Variants in CSRP2 observed in about 807,000 individuals in gnomAD.
CSRP2 encodes the protein cysteine and glycine-rich protein 2.
CSRP2 carries 18 observed loss-of-function variants against 24.6 expected under a neutral mutation model. The observed-to-expected ratio is 0.73, with a 90% CI of 0.51 to 1.09. The LOEUF (loss-of-function observed/expected upper bound fraction) is 1.09. CSRP2 is among the 50% of genes least tolerant of loss of function. The probability of loss-of-function intolerance (pLI) is 0.00; values close to 1 mark genes in which losing one functional copy is unlikely to be tolerated. For missense variants in CSRP2, 215 were observed against 239.4 expected (o/e 0.90, Z 0.67); for synonymous variants, 87 against 84.3 (o/e 1.03, Z -0.18).
chr12:76,872,680 A>T (rs1953812684), intron 1 of CSRP2, among the ~76,000 whole-genome samples: 1 of 152,154 alleles, frequency 6.6e-6, no homozygotes, highest in Non-Finnish European at 1.5e-5. Flanking sequence ...GCCCTATGTA[A>T]ATCAGACATC....
At chr12:76,866,099 G>T in intron 2 of CSRP2, 50 bp downstream of exon 2, 1 of 1,393,710 alleles carries the variant, frequency 7.2e-7, no homozygotes, top group Non-Finnish European at 1.0e-6. Flanking sequence ...ACATATTGAA[G>T]CTCTGTACAT....
chr12:76,877,638 C>T (rs1953864632), intron 1 of CSRP2, among the ~76,000 whole-genome samples: 1 of 152,154 alleles, frequency 6.6e-6, no homozygotes, highest in African/African-American at 2.4e-5. Context: ...GGAGAAAGGA[C>T]CCAGAGAAAT....
chr12:76,874,126 C>G (rs1214670391), intron 1 of CSRP2, among the ~76,000 whole-genome samples: 1 of 152,164 alleles, frequency 6.6e-6, no homozygotes, highest in East Asian at 1.9e-4. Context: ...AAGGTCTGCA[C>G]CATTTACTTT....
chr12:76,863,420 A>G (rs1953704879), intron 2 of CSRP2, 76 bp from the exon 3 acceptor site: 2 of 1,452,644 alleles, frequency 1.4e-6, no homozygotes, highest in Non-Finnish European at 1.9e-6. Context: ...GCACAGACAC[A>G]TGGCCTACAA....
At chr12:76,863,452 T>C in intron 2 of CSRP2, 108 bp from the exon 3 acceptor site, 1 of 1,148,422 alleles carries the variant, frequency 8.7e-7, no homozygotes, top group Non-Finnish European at 1.2e-6. Flanking sequence ...TGAGGCTCCC[T>C]CACATTCCTG....
intron 1 of CSRP2, among the ~76,000 whole-genome samples, chr12:76,876,896 C>T (rs1159687386): frequency 2.0e-5 from 3 of 152,230 alleles, no homozygotes; most frequent in African/African-American, 7.2e-5. Flanking sequence ...GGGCTTTGTA[C>T]AAGTATCAAC....
Position 76,874,403 on chromosome 12 carries a change from A to T in CSRP2, c.-2+4535T>A, listed in dbSNP as rs149301080. ...TATGTGATCCTGGCCAAATTTCCTT[A>T]ACCTCTGAGCCTTAACTTCCTCAGA... is the stretch of plus-strand genomic sequence containing the variant. On this transcript the variant is annotated intron_variant, in intron 1 of 5. Coordinates refer to ENST00000311083, the MANE Select transcript of CSRP2 (RefSeq NM_001321.3). Among the ~76,000 whole-genome samples the T allele has an allele frequency of 3.5e-4, 54 of 152,342 alleles. 1 individual carries two copies. In the East Asian group the frequency reaches 9.5e-3, roughly 27 times the overall value.
intron 1 of CSRP2, among the ~76,000 whole-genome samples, chr12:76,867,377 G>A (rs11115911): frequency 0.011 from 1,641 of 151,010 alleles, 10 homozygotes; most frequent in Non-Finnish European, 0.017. Flanking sequence ...GGGTGTGGTG[G>A]CAGATGCCTG....
intron 3 of CSRP2, chr12:76,860,980 T>C (rs1953670729): frequency 6.6e-6 from 1 of 152,236 alleles, no homozygotes; most frequent in Non-Finnish European, 1.5e-5. Context: ...AAAAATATTT[T>C]ATAAATTTTG....
chr12:76,866,237 G>T lies in CSRP2; in HGVS notation c.24C>A (p.Asn8Lys). 6.2e-7 allele frequency: 1 copy of T among 1,614,044 alleles called. No individual in the cohort carries two copies. The highest frequency in any genetic ancestry group is 1.1e-5 in the South Asian group (1 of 91,074). Reference sequence around the variant, plus strand: ...CGGTCCTCCCACAGGCCCCACACTTGTTTCCACCTCCCCAGACAGGCATTC... The same window carrying T: ...CGGTCCTCCCACAGGCCCCACACTTTTTTCCACCTCCCCAGACAGGCATTC... MPVWGGGNKCGACGRTVY... is the reference protein window; with the variant it reads MPVWGGGKKCGACGRTVY... The change falls in exon 2 of 6, where the codon AAC becomes AAA. Residue 8 changes from asparagine to lysine, a missense_variant. By Grantham distance (94) the Asn-to-Lys change is moderately conservative. Coordinates refer to ENST00000311083, the MANE Select transcript of CSRP2 (RefSeq NM_001321.3).
intron 1 of CSRP2, among the ~76,000 whole-genome samples, chr12:76,871,721 G>A (rs1225012826): frequency 6.7e-6 from 1 of 149,984 alleles, no homozygotes; most frequent in Admixed American, 6.7e-5. Context: ...CCGAGATAGT[G>A]CCACTGCAGT....
chr12:76,872,539 C>T (rs781618136), intron 1 of CSRP2, among the ~76,000 whole-genome samples: 1 of 152,248 alleles, frequency 6.6e-6, no homozygotes. Flanking sequence ...GGTGACAGGG[C>T]AGCCTCCACA....
intron 1 of CSRP2, among the ~76,000 whole-genome samples, chr12:76,871,763 CAAAAAAAA>C (rs5799293): frequency 5.7e-5 from 7 of 122,910 alleles, no homozygotes; most frequent in Non-Finnish European, 1.1e-4. Flanking sequence ...GACTCCGACT[CAAAAAAAA>C]AAAAAAAAGA....
At chr12:76,865,352 A>C (rs184901652) in intron 2 of CSRP2, among the ~76,000 whole-genome samples, 3 of 152,216 alleles carry the variant, frequency 2.0e-5, no homozygotes, top group East Asian at 1.9e-4. Flanking sequence ...GAAGGCATAC[A>C]TAGTGAACAT....
chr12:76,860,661 C>A (rs1457754073), intron 3 of CSRP2: 1 of 346,984 alleles, frequency 2.9e-6, no homozygotes, highest in Non-Finnish European at 5.3e-6. Context: ...ACGTAAAGAT[C>A]TGTCCCTCTG....
At chr12:76,867,440 C>T (rs145169125) in intron 1 of CSRP2, among the ~76,000 whole-genome samples, 1,642 of 151,610 alleles carry the variant, frequency 0.011, 27 homozygotes, top group African/African-American at 0.037. Flanking sequence ...AACCAGGAAG[C>T]GGAGGTTGCA....
chr12:76,877,689 C>G (rs1953865091), intron 1 of CSRP2, among the ~76,000 whole-genome samples: 1 of 152,146 alleles, frequency 6.6e-6, no homozygotes, highest in Admixed American at 6.5e-5. Flanking sequence ...AGCGATGACC[C>G]CAGGAGTACT....
chr12:76,867,226 C>T (rs568653860), intron 1 of CSRP2, among the ~76,000 whole-genome samples: 100 of 151,574 alleles, frequency 6.6e-4, no homozygotes, highest in African/African-American at 2.3e-3. Context: ...TGGTGGCTCA[C>T]GCCTGTAATC....
chr12:76,866,384 T>C (rs946542028), intron 1 of CSRP2, 123 bp from the exon 2 acceptor site: 1 of 624,954 alleles, frequency 1.6e-6, no homozygotes, highest in Admixed American at 3.0e-5. Flanking sequence ...AACCACATCT[T>C]TCAAAGGCCT....
Sources: allele counts gnomAD v4.1 joint callset (sites outside exome capture counted in the v4.1 genomes callset), GRCh38; gene constraint gnomAD v4.1.1; transcripts MANE v1.5; gene names NCBI Gene and HGNC (gene_info 2026-07-23, HGNC 2026-07-21).